Variants in SYT14 observed in about 807,000 individuals in gnomAD.
SYT14 encodes the protein synaptotagmin-14.
In SYT14, 32 loss-of-function variants were observed where a neutral mutation model predicts 74.2. The observed-to-expected ratio is 0.43, with a 90% CI of 0.33 to 0.58. The LOEUF (loss-of-function observed/expected upper bound fraction) is 0.58. Ranked by LOEUF, SYT14 falls within the 20% of genes least tolerant of loss-of-function variation. SYT14 has a pLI of 0.05. For synonymous variants in SYT14, 298 were observed against 337.7 expected (o/e 0.88, Z 1.29); for missense variants, 791 against 981.8 (o/e 0.81, Z 2.60).
At chr1:209,949,418 C>T (rs867814506) in intron 1 of SYT14, among the ~76,000 whole-genome samples, 6 of 152,086 alleles carry the variant, frequency 3.9e-5, no homozygotes, top group South Asian at 2.1e-4. Flanking sequence ...ACTAAAGATA[C>T]AAAAGTTAGC....
intron 7 of SYT14, among the ~76,000 whole-genome samples, chr1:210,136,912 A>G (rs1490795640): frequency 2.0e-5 from 3 of 147,586 alleles, no homozygotes; most frequent in Non-Finnish European, 4.5e-5. Flanking sequence ...ATGTTAGGGT[A>G]CAGGGGAATC....
chr1:210,162,521 TTA>T (rs1434836674), exon 10 of SYT14: 1 of 346,494 alleles, frequency 2.9e-6, no homozygotes, highest in Non-Finnish European at 5.5e-6. Flanking sequence ...AGAGTATGTT[TTA>T]TATATATTAA....
chr1:210,120,894 C>T (rs2082447877), intron 7 of SYT14, among the ~76,000 whole-genome samples: 2 of 152,072 alleles, frequency 1.3e-5, no homozygotes, highest in Non-Finnish European at 2.9e-5. Flanking sequence ...TATACCAGCT[C>T]ATTTGTGATT....
intron 6 of SYT14, 147 bp downstream of exon 5, chr1:210,094,740 T>C: frequency 3.9e-6 from 4 of 1,031,098 alleles, no homozygotes; most frequent in South Asian, 1.5e-5. Flanking sequence ...CTAATCTTTA[T>C]CCAACAAACT....
chr1:210,018,076 C>T (rs916155657), intron 4 of SYT14, among the ~76,000 whole-genome samples: 5 of 152,198 alleles, frequency 3.3e-5, no homozygotes, highest in East Asian at 1.9e-4. Context: ...GATGAACTAA[C>T]TTAAAAGAAA....
intron 9 of SYT14, among the ~76,000 whole-genome samples, chr1:210,159,922 C>T (rs940793905): frequency 4.6e-5 from 7 of 152,132 alleles, no homozygotes; most frequent in Non-Finnish European, 1.0e-4. Context: ...TTATGTTTCA[C>T]TTCGTACACT....
chr1:209,975,224 C>T (rs1046033575), intron 2 of SYT14, among the ~76,000 whole-genome samples: 1 of 152,180 alleles, frequency 6.6e-6, no homozygotes, highest in African/African-American at 2.4e-5. Flanking sequence ...TGCCTGATTG[C>T]CCTGGCCAGA....
chr1:210,139,188 G>T (rs1347541269), intron 7 of SYT14, among the ~76,000 whole-genome samples: 1 of 150,036 alleles, frequency 6.7e-6, no homozygotes, highest in Non-Finnish European at 1.5e-5. Context: ...CCAGGTTCAA[G>T]CAATTCTCGT....
At chr1:210,144,636 G>A (rs915778736) in intron 7 of SYT14, among the ~76,000 whole-genome samples, 1 of 151,828 alleles carries the variant, frequency 6.6e-6, no homozygotes, top group Non-Finnish European at 1.5e-5. Context: ...AATAGTCTAT[G>A]GATAATTATA....
At chr1:209,971,920 C>CCCT (rs1183039265) in intron 2 of SYT14, among the ~76,000 whole-genome samples, 5 of 152,030 alleles carry the variant, frequency 3.3e-5, no homozygotes, top group Admixed American at 2.6e-4. Context: ...ACGGAGGAGT[C>CCCT]CCTCCTCCTT....
chr1:210,021,090 A>G, exon 5 of SYT14: 1 of 1,614,026 alleles, frequency 6.2e-7, no homozygotes, highest in East Asian at 2.2e-5. Context: ...GAAAGTGAAG[A>G]TGAAGCGCTG....
intron 2 of SYT14, among the ~76,000 whole-genome samples, chr1:209,972,960 A>G (rs760839015): frequency 1.3e-5 from 2 of 152,110 alleles, no homozygotes; most frequent in East Asian, 3.8e-4. Flanking sequence ...GAAGTCCCTC[A>G]CTATTATTGT....
intron 2 of SYT14, among the ~76,000 whole-genome samples, chr1:210,005,183 T>C (rs139988422): frequency 1.3e-5 from 2 of 152,138 alleles, no homozygotes; most frequent in East Asian, 3.9e-4. Context: ...GGATCAGGCT[T>C]AGTAGGGGAA....
chr1:210,078,170 C>T (rs2081541898), intron 5 of SYT14, among the ~76,000 whole-genome samples: 4 of 151,498 alleles, frequency 2.6e-5, no homozygotes, highest in Admixed American at 2.0e-4. Context: ...ATTAGCCGGG[C>T]GTGGTAGCGG....
At position 210,100,480 on chromosome 1, in the gene SYT14, G is replaced by A; in HGVS notation, c.2034+19G>A. On this transcript the variant is annotated intron_variant, in intron 7 of 9. Transcript: ENST00000637265. Reference sequence around the variant, plus strand: ...TCATTCTGTGAGTATCTCATCAAATGGCCTGAATACAGTTTATGTTCATGG... The same window carrying A: ...TCATTCTGTGAGTATCTCATCAAATAGCCTGAATACAGTTTATGTTCATGG... 2 of 1,605,336 alleles carry A rather than the reference G, an allele frequency of 1.2e-6. No homozygotes were observed. The highest frequency in any genetic ancestry group is 1.7e-6 in the Non-Finnish European group (2 of 1,173,398).
intron 2 of SYT14, among the ~76,000 whole-genome samples, chr1:210,002,531 G>C (rs1410973556): frequency 6.6e-6 from 1 of 151,734 alleles, no homozygotes; most frequent in African/African-American, 2.4e-5. Flanking sequence ...ATATACCCAT[G>C]ATTTTTTTTT....
chr1:210,164,563 T>C (rs1367251694), exon 10 of SYT14: 2 of 153,050 alleles, frequency 1.3e-5, no homozygotes, highest in African/African-American at 4.8e-5. Context: ...CTGAATGATA[T>C]CATAGTCTTT....
intron 7 of SYT14, among the ~76,000 whole-genome samples, chr1:210,104,765 C>T (rs2082129126): frequency 6.6e-6 from 1 of 152,182 alleles, no homozygotes; most frequent in South Asian, 2.1e-4. Context: ...CAAACATACA[C>T]ACAACCCTTC....
At chr1:210,158,525 C>T (rs574512356) in intron 8 of SYT14, among the ~76,000 whole-genome samples, 8 of 152,284 alleles carry the variant, frequency 5.3e-5, no homozygotes, top group African/African-American at 1.9e-4. Flanking sequence ...GCCTTTCTAT[C>T]CTTACTGTAG....
Sources: gnomAD v4.1 joint callset for allele counts (sites outside exome capture counted in the v4.1 genomes callset) on GRCh38, gnomAD v4.1.1 for gene constraint, MANE v1.5 for transcripts, NCBI Gene and HGNC (gene_info 2026-07-23, HGNC 2026-07-21) for gene names.